The following ADGRL2 variants were observed in gnomAD, a reference collection of about 807,000 sequenced individuals.
The protein encoded by ADGRL2 is adhesion G protein-coupled receptor L2.
Under a neutral mutation model 157.4 loss-of-function variants are expected in ADGRL2, and 44 were observed. That is an observed-to-expected ratio of 0.28 (90% CI 0.22 to 0.36). The LOEUF is 0.36. ADGRL2 is among the 10% of genes least tolerant of loss of function. The pLI is 1.00. For synonymous variants in ADGRL2, 585 were observed against 624.7 expected (o/e 0.94, Z 0.95); for missense variants, 1,510 against 1,768.9 (o/e 0.85, Z 2.63).
chr1:81,495,934 A>T (rs1045203447), intron 2 of ADGRL2, among the ~76,000 whole-genome samples: 2 of 152,172 alleles, frequency 1.3e-5, no homozygotes, highest in African/African-American at 4.8e-5. Context: ...CAAGTTGAAT[A>T]TTTAACCCTC....
At chr1:81,319,911 A>G (rs537890272) in intron 1 of ADGRL2, among the ~76,000 whole-genome samples, 5 of 152,342 alleles carry the variant, frequency 3.3e-5, no homozygotes, top group East Asian at 3.9e-4. Context: ...TAAGACAACA[A>G]TGAAGTTTGT....
intron 1 of ADGRL2, among the ~76,000 whole-genome samples, chr1:81,439,236 T>C (rs1029737734): frequency 2.6e-5 from 4 of 152,212 alleles, no homozygotes; most frequent in Admixed American, 1.3e-4. Flanking sequence ...GTAGGGTTTC[T>C]ATCTTATTAA....
At position 81,992,882 on chromosome 1, in the gene ADGRL2, A is replaced by G. The variant is rs946190476; in HGVS notation, c.*1737A>G. ...ATCATATAATTGAATATCAAGAAAT[A>G]GATGTTTTCTGTTTGTATCATAAGC... On this transcript the variant is annotated 3_prime_UTR_variant, in exon 24 of 24. Transcript: ENST00000686636. Among the ~76,000 whole-genome samples the G allele has an allele frequency of 6.6e-6, 1 of 151,472 alleles. No homozygotes were observed. Among genetic ancestry groups the G allele is most frequent in the African/African-American group, 2.4e-5 (1 of 41,190 alleles).
chr1:81,385,245 C>A (rs1435717657), intron 1 of ADGRL2, among the ~76,000 whole-genome samples: 1 of 152,084 alleles, frequency 6.6e-6, no homozygotes, highest in Non-Finnish European at 1.5e-5. Flanking sequence ...CAAGATACAG[C>A]TTTCGGGGCT....
At chr1:81,934,391 A>T (rs149694298) in intron 3 of ADGRL2, among the ~76,000 whole-genome samples, 3 of 152,036 alleles carry the variant, frequency 2.0e-5, no homozygotes, top group Non-Finnish European at 4.4e-5. Flanking sequence ...ACAGTAAAAG[A>T]TCTCTAAGCC....
chr1:81,417,687 G>C (rs1232940245), intron 1 of ADGRL2, among the ~76,000 whole-genome samples: 3 of 152,126 alleles, frequency 2.0e-5, no homozygotes, highest in African/African-American at 7.2e-5. Flanking sequence ...ACATTGGCTT[G>C]TTATTTCATA....
At chr1:81,587,212 G>A (rs1296833110) in intron 3 of ADGRL2, among the ~76,000 whole-genome samples, 1 of 152,056 alleles carries the variant, frequency 6.6e-6, no homozygotes, top group Non-Finnish European at 1.5e-5. Context: ...AACATTCAAA[G>A]TTGTGTGGAA....
chr1:81,880,878 C>G (rs890859187), intron 2 of ADGRL2, among the ~76,000 whole-genome samples: 1 of 152,138 alleles, frequency 6.6e-6, no homozygotes, highest in Non-Finnish European at 1.5e-5. Context: ...TGTCTCCTGC[C>G]TCTATCAATA....
chr1:81,557,517 G>GA lies in ADGRL2; in HGVS notation c.-247-23356dup, dbSNP rs1436133510. The GA allele has an allele frequency of 6.0e-5, 9 of 150,252 alleles. No individual in the cohort carries two copies. The Admixed American group carries it at 6.0e-4, about 10-fold the overall frequency. The allele number at this position is 150,252 out of a possible 1,614,324, so 9.3% of individuals were successfully genotyped here. A position where few individuals can be genotyped will look rare whatever the true frequency, so the allele number is the denominator to read the frequency against. On this transcript the variant is annotated intron_variant, in intron 2 of 24. Transcript: ENST00000370721. The stretch of plus-strand genomic sequence containing the variant: ...AGAAAGAAAGAAAGAAAGAAAGAAA[G>GA]AAAGAAAGAGAAGAAAGAAAGAAAG...
chr1:81,631,474 T>C (rs2082009527), intron 3 of ADGRL2, among the ~76,000 whole-genome samples: 1 of 152,142 alleles, frequency 6.6e-6, no homozygotes, highest in South Asian at 2.1e-4. Context: ...CCCAAAGTGC[T>C]GGGATTACAG....
chr1:81,822,420 A>T (rs1482299570), intron 1 of ADGRL2, among the ~76,000 whole-genome samples: 1 of 151,584 alleles, frequency 6.6e-6, no homozygotes, highest in African/African-American at 2.4e-5. Flanking sequence ...ATATTTTAAT[A>T]TTAAAATTCT....
intron 17 of ADGRL2, among the ~76,000 whole-genome samples, chr1:81,976,075 C>A (rs1325096229): frequency 1.3e-5 from 2 of 151,776 alleles, no homozygotes; most frequent in Non-Finnish European, 2.9e-5. Flanking sequence ...AGTATATGTT[C>A]TATTTAATTC....
intron 2 of ADGRL2, among the ~76,000 whole-genome samples, chr1:81,539,815 T>TAAA (rs11297905): frequency 2.1e-5 from 3 of 143,694 alleles, no homozygotes; most frequent in African/African-American, 5.0e-5. Flanking sequence ...GGGAAAAGAT[T>TAAA]AAAAAAAAAA....
chr1:81,566,169 G>A lies in ADGRL2; in HGVS notation c.-247-14707G>A, dbSNP rs540748679. Among the ~76,000 whole-genome samples the A allele has an allele frequency of 3.3e-5, 5 of 152,224 alleles. No individual in the cohort carries two copies. The East Asian group carries it at 9.7e-4, about 29-fold the overall frequency. On this transcript the variant is annotated intron_variant, in intron 2 of 24. Coordinates refer to the ADGRL2 transcript ENST00000370721. ...GTTATAAGAAGAAGGAAATTCCAGG[G>A]TGTTCTATAAACTTTGAAAATATAT...
chr1:81,390,831 A>C (rs1296937454), intron 1 of ADGRL2, among the ~76,000 whole-genome samples: 1 of 152,304 alleles, frequency 6.6e-6, no homozygotes, highest in African/African-American at 2.4e-5. Context: ...CTGTGGATGG[A>C]CATTCATTAT....
At chr1:81,346,974 C>T (rs757864573) in intron 1 of ADGRL2, among the ~76,000 whole-genome samples, 2 of 152,104 alleles carry the variant, frequency 1.3e-5, no homozygotes, top group African/African-American at 2.4e-5. Context: ...CCTGAAGCTA[C>T]ATTAGATATA....
intron 2 of ADGRL2, among the ~76,000 whole-genome samples, chr1:81,889,731 A>G (rs2094213227): frequency 6.6e-6 from 1 of 152,230 alleles, no homozygotes; most frequent in Non-Finnish European, 1.5e-5. Flanking sequence ...GACTCTTCAT[A>G]GCTGAAGAGA....
intron 2 of ADGRL2, among the ~76,000 whole-genome samples, chr1:81,478,105 C>T (rs2078310260): frequency 6.6e-6 from 1 of 151,084 alleles, no homozygotes; most frequent in Non-Finnish European, 1.5e-5. Context: ...ATACTGCTTT[C>T]AGAAAGAGTC....
intron 2 of ADGRL2, among the ~76,000 whole-genome samples, chr1:81,900,346 C>T (rs1319642841): frequency 7.9e-5 from 12 of 152,152 alleles, no homozygotes; most frequent in African/African-American, 2.2e-4. Context: ...CTTCTAGCAT[C>T]GGGCTGCTCC....
Sources: allele counts gnomAD v4.1 joint callset (sites outside exome capture counted in the v4.1 genomes callset), GRCh38; gene constraint gnomAD v4.1.1; transcripts MANE v1.5; gene names NCBI Gene and HGNC (gene_info 2026-07-23, HGNC 2026-07-21).